CCDC171: variants seen among roughly 807,000 people sequenced by gnomAD.
CCDC171 encodes the protein coiled-coil domain containing 171.
CCDC171 carries 177 observed loss-of-function variants against 168.2 expected under a neutral mutation model. The ratio of observed to expected loss-of-function variants is 1.05; its 90% CI spans 0.93 to 1.19. The LOEUF is 1.19. CCDC171 is among the 50% of genes most tolerant of loss of function. The pLI is 0.00. For synonymous variants in CCDC171, 687 were observed against 540.8 expected, an observed-to-expected ratio of 1.27 and a Z score of -3.75; for missense variants, 1,991 against 1,539.0, an observed-to-expected ratio of 1.29 and a Z score of -4.91.
At chr9:15,950,798 C>T (rs62546566) in intron 25 of CCDC171, among the ~76,000 whole-genome samples, 46,316 of 150,204 alleles carry the variant, frequency 0.31, 8,931 homozygotes, top group East Asian at 0.61. Context: ...GTAAATGGAC[C>T]AAATGCTCCA....
chr9:16,051,393 T>C (rs1361922020), intron 1 of CCDC171, among the ~76,000 whole-genome samples: 1 of 152,140 alleles, frequency 6.6e-6, no homozygotes, highest in Non-Finnish European at 1.5e-5. Flanking sequence ...TCCCAGGCTA[T>C]CCTCTCTCTC....
chr9:15,922,962 T>C (rs1477102965), intron 25 of CCDC171, among the ~76,000 whole-genome samples: 1 of 151,554 alleles, frequency 6.6e-6, no homozygotes, highest in African/African-American at 2.4e-5. Context: ...TGGATATTAA[T>C]CCCTGTCACA....
At chr9:16,065,102 C>T (rs989277336), downstream of CCDC171, among the ~76,000 whole-genome samples, 11 of 152,166 alleles carry the variant, frequency 7.2e-5, no homozygotes, top group African/African-American at 1.7e-4. Context: ...CTTGTAAAAT[C>T]GGGTCCCAGG....
Position 15,666,161 on chromosome 9 carries a change from A to G in CCDC171, c.916-2A>G, listed in dbSNP as rs764517961. On this transcript the variant is annotated splice_acceptor_variant, in intron 8 of 25. Transcript: ENST00000380701. LOFTEE classifies it high-confidence loss of function. The stretch of plus-strand genomic sequence containing the variant: ...TTTAATTACTTGTCTGTCGTCCGGT[A>G]GTTACGGATTCGAGACCTTGAAGGA... 1.9e-6 allele frequency: 3 copies of G among 1,613,190 alleles called. No individual in the cohort carries two copies. The South Asian group carries it at 3.3e-5, about 18-fold the overall frequency.
chr9:15,705,126 A>ACACACACACT (rs149512066), intron 11 of CCDC171, among the ~76,000 whole-genome samples: 10 of 148,804 alleles, frequency 6.7e-5, no homozygotes, highest in Admixed American at 2.0e-4. Flanking sequence ...ACACACTCTC[A>ACACACACACT]CTCACTCAGA....
At position 15,578,958 on chromosome 9, in the gene CCDC171, G is replaced by A; in HGVS notation, c.287G>A (p.Gly96Asp). The change falls in exon 4 of 26, where the codon GGT (glycine) becomes GAT (aspartate). Residue 96 changes from glycine to aspartate, a missense_variant. Gly to Asp is a moderately conservative substitution (Grantham distance 94). Transcript: ENST00000380701. Reference sequence around the variant, plus strand: ...CTAGCTGTTGCTAGAAAGGAAGCTGGTCTTGGAAGACGGGCTGCTGAAGAA... The same window carrying A: ...CTAGCTGTTGCTAGAAAGGAAGCTGATCTTGGAAGACGGGCTGCTGAAGAA... ...YDLAVARKEA[G>D]LGRRAAEERL... 1 of 1,614,078 alleles carries A rather than the reference G, an allele frequency of 6.2e-7. No individual in the cohort carries two copies.
chr9:15,982,586 G>T (rs971724904), intron 3 of CCDC171, among the ~76,000 whole-genome samples: 1 of 152,002 alleles, frequency 6.6e-6, no homozygotes, highest in Non-Finnish European at 1.5e-5. Context: ...GGAAGCAAGG[G>T]GTCTTTTTCT....
intron 11 of CCDC171, among the ~76,000 whole-genome samples, chr9:15,708,850 A>G (rs2133990732): frequency 6.6e-6 from 1 of 152,342 alleles, no homozygotes; most frequent in African/African-American, 2.4e-5. Context: ...AGCTTCAGAT[A>G]TTGATCTTAG....
rs775873350 is a variant in CCDC171, at chr9:15,727,849, T to G, written c.1693-20T>G. The G allele has an allele frequency of 1.9e-6, 3 of 1,593,254 alleles. No homozygotes were observed. Among genetic ancestry groups the G allele is most frequent in the Non-Finnish European group, 2.6e-6 (3 of 1,170,752 alleles). Reference sequence around the variant, plus strand: ...AATGTTTATATACAGCAATTAATTTTTCTTTTTTTTTTCCTGCAGGAGAAG... The same window carrying G: ...AATGTTTATATACAGCAATTAATTTGTCTTTTTTTTTTCCTGCAGGAGAAG... On this transcript the variant is annotated intron_variant, in intron 14 of 25. Transcript: ENST00000380701.
At chr9:15,743,781 A>C (rs1377868839) in intron 16 of CCDC171, among the ~76,000 whole-genome samples, 1 of 152,212 alleles carries the variant, frequency 6.6e-6, no homozygotes, top group Admixed American at 6.5e-5. Flanking sequence ...CTCATGCAGT[A>C]AATGGTAGAC....
At chr9:15,601,989 A>G (rs1202454206) in intron 6 of CCDC171, among the ~76,000 whole-genome samples, 1 of 152,194 alleles carries the variant, frequency 6.6e-6, no homozygotes. Flanking sequence ...TACTAAAAGA[A>G]TTTAAAATTA....
intron 6 of CCDC171, among the ~76,000 whole-genome samples, chr9:15,611,891 T>A (rs940881072): frequency 6.6e-6 from 1 of 152,198 alleles, no homozygotes; most frequent in African/African-American, 2.4e-5. Context: ...TGTTGAAACC[T>A]AATTGCCATT....
chr9:15,997,953 T>C (rs1832422492), intron 3 of CCDC171, among the ~76,000 whole-genome samples: 1 of 152,194 alleles, frequency 6.6e-6, no homozygotes, highest in African/African-American at 2.4e-5. Flanking sequence ...GTGACTCTTC[T>C]TGCCTGCTGG....
intron 4 of CCDC171, among the ~76,000 whole-genome samples, chr9:15,587,133 G>GACTTC: frequency 6.6e-6 from 1 of 151,960 alleles, no homozygotes; most frequent in Non-Finnish European, 1.5e-5. Flanking sequence ...TTTATATATT[G>GACTTC]ACTTCCCCAA....
At chr9:15,680,855 G>C (rs1456490738) in intron 10 of CCDC171, among the ~76,000 whole-genome samples, 1 of 152,146 alleles carries the variant, frequency 6.6e-6, no homozygotes, top group Non-Finnish European at 1.5e-5. Flanking sequence ...GTACTCAGTA[G>C]TTTGGAAAAT....
chr9:15,776,860 C>T (rs1165408924), intron 18 of CCDC171, among the ~76,000 whole-genome samples: 1 of 152,176 alleles, frequency 6.6e-6, no homozygotes, highest in South Asian at 2.1e-4. Context: ...GAATGTTATA[C>T]TATGAATTTA....
intron 21 of CCDC171, among the ~76,000 whole-genome samples, chr9:15,839,813 A>G (rs1327886309): frequency 6.6e-6 from 1 of 152,182 alleles, no homozygotes; most frequent in Non-Finnish European, 1.5e-5. Context: ...TCCCCCATGG[A>G]CATACTTCTA....
intron 7 of CCDC171, among the ~76,000 whole-genome samples, chr9:15,644,623 GC>G (rs1274593987): frequency 3.3e-5 from 5 of 152,212 alleles, no homozygotes; most frequent in Non-Finnish European, 7.3e-5. Context: ...AGAGTCCCAT[GC>G]CCACGGAGCC....
chr9:15,900,107 A>C (rs140048861), intron 24 of CCDC171, among the ~76,000 whole-genome samples: 1 of 152,212 alleles, frequency 6.6e-6, no homozygotes, highest in African/African-American at 2.4e-5. Flanking sequence ...TACATCTGCT[A>C]TAAAATTAGT....
Sources: allele counts gnomAD v4.1 joint callset (sites outside exome capture counted in the v4.1 genomes callset), GRCh38; gene constraint gnomAD v4.1.1; transcripts MANE v1.5; gene names NCBI Gene and HGNC (gene_info 2026-07-23, HGNC 2026-07-21).